The following MSN variants were observed in gnomAD, a reference collection of about 807,000 sequenced individuals.
The protein encoded by MSN is epididymis luminal protein 70.
In MSN, 2 loss-of-function variants were observed where a neutral mutation model predicts 48.0. The ratio of observed to expected loss-of-function variants is 0.04; its 90% CI spans 0.02 to 0.13. The LOEUF (loss-of-function observed/expected upper bound fraction) is 0.13. Ranked by LOEUF, MSN falls within the 10% of genes least tolerant of loss-of-function variation. MSN has a pLI of 1.00. For synonymous variants in MSN, 146 were observed against 166.9 expected, an observed-to-expected ratio of 0.87 and a Z score of 0.97; for missense variants, 267 against 470.1, an observed-to-expected ratio of 0.57 and a Z score of 3.99.
At chrX:65,636,639 C>A (rs1426533979) in intron 1 of MSN, among the ~76,000 whole-genome samples, 1 of 101,882 alleles carries the variant, frequency 9.8e-6, no homozygotes, top group Admixed American at 1.1e-4. Context: ...CCTAGCTACT[C>A]AGGAGGCTGA....
intron 1 of MSN, among the ~76,000 whole-genome samples, chrX:65,645,100 C>T (rs1029936929): frequency 1.8e-5 from 2 of 111,856 alleles, no homozygotes; most frequent in South Asian, 3.7e-4. Flanking sequence ...GGAGGCCCAG[C>T]CCCACCCTCC....
At chrX:65,724,670 G>C (rs1323531451) in intron 2 of MSN, among the ~76,000 whole-genome samples, 1 of 97,762 alleles carries the variant, frequency 1.0e-5, no homozygotes, top group Non-Finnish European at 1.9e-5. Flanking sequence ...TGTTTGTTTT[G>C]TTTTGTTTTT....
chrX:65,626,178 T>A (rs1427202343), intron 1 of MSN, among the ~76,000 whole-genome samples: 5 of 110,933 alleles, frequency 4.5e-5, no homozygotes, highest in Non-Finnish European at 7.6e-5. Flanking sequence ...ATGGTCTCGA[T>A]CTCCTGACAT....
rs772777547 is a variant in MSN, at chrX:65,701,186, A to C, written c.13-15632A>C. 2.7e-5 allele frequency among the ~76,000 whole-genome samples: 3 copies of C among 111,722 alleles called. No homozygotes were observed. The East Asian group carries it at 8.4e-4, about 31-fold the overall frequency. On this transcript the variant is annotated intron_variant, in intron 1 of 12. Transcript: ENST00000360270. ...TCAAGAGGGCTTTGAGTGGGGCCCT[A>C]ATTATAGCATTGTGATCATCATGCT... is the stretch of plus-strand genomic sequence containing the variant.
At chrX:65,696,190 A>T (rs2071236249) in intron 1 of MSN, among the ~76,000 whole-genome samples, 1 of 107,488 alleles carries the variant, frequency 9.3e-6, no homozygotes, top group African/African-American at 3.5e-5. Context: ...TATTTCCTCC[A>T]TCTGACAAAA....
chrX:65,739,294 C>T, intron 12 of MSN, 100 bp downstream of exon 12: 1 of 859,060 alleles, frequency 1.2e-6, no homozygotes, highest in Non-Finnish European at 1.6e-6. Flanking sequence ...AAGATCCTGT[C>T]CCAGTGTTGT....
rs1360594814 is a variant in MSN, at chrX:65,654,240, G to C, written c.-21-62578G>C. Among the ~76,000 whole-genome samples the C allele has an allele frequency of 2.8e-5, 3 of 107,428 alleles. No individual in the cohort carries two copies. The East Asian group carries it at 8.6e-4, about 31-fold the overall frequency. The allele number at this position is 107,428 out of a possible 115,157, so 93.3% of individuals were successfully genotyped here. A position where few individuals can be genotyped will look rare whatever the true frequency, so the allele number is the denominator to read the frequency against. On this transcript the variant is annotated intron_variant, in intron 1 of 3. Coordinates refer to the MSN transcript ENST00000609672. ...CCTGCCTCAGCCTCCTGAGTAGCTG[G>C]GACTACAGGCGCCCACCACCACACT...
chrX:65,737,813 C>T, intron 10 of MSN, among the ~76,000 whole-genome samples: 1 of 104,070 alleles, frequency 9.6e-6, no homozygotes, highest in South Asian at 3.7e-4. Flanking sequence ...TTAGAACCCA[C>T]CCATTTCTGC....
chrX:65,654,103 C>CTTTTTTTTCT (rs1479987602), intron 1 of MSN, among the ~76,000 whole-genome samples: 11 of 67,687 alleles, frequency 1.6e-4, no homozygotes, highest in African/African-American at 7.2e-4. Flanking sequence ...GGAGACCCTT[C>CTTTTTTTTCT]TTTTTTTTTT....
At chrX:65,671,774 C>CT (rs926301839) in intron 1 of MSN, among the ~76,000 whole-genome samples, 2 of 111,855 alleles carry the variant, frequency 1.8e-5, no homozygotes, top group African/African-American at 6.5e-5. Context: ...GCAGGAAGGC[C>CT]TTTGTGGGAC....
intron 1 of MSN, among the ~76,000 whole-genome samples, chrX:65,673,248 G>T (rs2070960531): frequency 9.0e-6 from 1 of 111,570 alleles, no homozygotes; most frequent in Non-Finnish European, 1.9e-5. Context: ...ATTTTTCAGT[G>T]ACCGCCTGCC....
intron 1 of MSN, among the ~76,000 whole-genome samples, chrX:65,621,375 C>T (rs900420284): frequency 8.9e-6 from 1 of 111,947 alleles, no homozygotes; most frequent in Non-Finnish European, 1.9e-5. Flanking sequence ...ATTCTTTCCC[C>T]CAGTGAATGG....
intron 1 of MSN, among the ~76,000 whole-genome samples, chrX:65,688,702 C>T (rs147982913): frequency 8.9e-6 from 1 of 111,934 alleles, no homozygotes; most frequent in Non-Finnish European, 1.9e-5. Context: ...TAAGTCAAGA[C>T]TAATGTTTAG....
At chrX:65,654,282 TA>T (rs1466354790) in intron 1 of MSN, among the ~76,000 whole-genome samples, 22 of 107,989 alleles carry the variant, frequency 2.0e-4, no homozygotes, top group South Asian at 1.2e-3. Context: ...ATTTTTTATT[TA>T]TTTTTTTTTT....
chrX:65,700,990 C>T (rs1040076861), intron 1 of MSN, among the ~76,000 whole-genome samples: 2 of 111,541 alleles, frequency 1.8e-5, no homozygotes, highest in Non-Finnish European at 3.8e-5. Context: ...TACCCTCACC[C>T]TCCAACATAC....
intron 1 of MSN, among the ~76,000 whole-genome samples, chrX:65,636,438 T>C (rs1004637470): frequency 9.0e-6 from 1 of 110,898 alleles, no homozygotes; most frequent in Admixed American, 9.7e-5. Flanking sequence ...TCAAACAGCA[T>C]AGAGAAATGA....
At chrX:65,714,151 A>G (rs2071439993) in intron 1 of MSN, among the ~76,000 whole-genome samples, 2 of 111,916 alleles carry the variant, frequency 1.8e-5, no homozygotes, top group South Asian at 7.4e-4. Context: ...TGTTCCTGCA[A>G]AGGACATGAT....
intron 1 of MSN, among the ~76,000 whole-genome samples, chrX:65,594,402 T>A (rs1254012718): frequency 1.8e-5 from 2 of 108,924 alleles, no homozygotes; most frequent in Non-Finnish European, 3.8e-5. Flanking sequence ...GCAATGGTGG[T>A]AGTGGCATGA....
intron 1 of MSN, among the ~76,000 whole-genome samples, chrX:65,609,743 C>T (rs760794532): frequency 3.6e-5 from 4 of 111,364 alleles, no homozygotes; most frequent in South Asian, 7.6e-4. Flanking sequence ...ATTAGCCGGG[C>T]GTGGTGGCAT....
Sources: gnomAD v4.1 joint callset for allele counts (sites outside exome capture counted in the v4.1 genomes callset) on GRCh38, gnomAD v4.1.1 for gene constraint, MANE v1.5 for transcripts, NCBI Gene and HGNC (gene_info 2026-07-23, HGNC 2026-07-21) for gene names.